Variants in DTL observed in about 807,000 individuals in gnomAD.
The protein encoded by DTL is denticleless protein homolog.
Under a neutral mutation model 87.0 loss-of-function variants are expected in DTL, and 46 were observed. That is an observed-to-expected ratio of 0.53 (90% CI 0.42 to 0.68). The LOEUF is 0.68. Ranked by LOEUF, DTL falls within the 30% of genes least tolerant of loss-of-function variation. DTL has a pLI of 0.00. For missense variants in DTL, 737 were observed against 869.4 expected (o/e 0.85, Z 1.91); for synonymous variants, 308 against 311.2 (o/e 0.99, Z 0.11).
At chr1:212,102,592 G>C (rs1176907462) in intron 14 of DTL, among the ~76,000 whole-genome samples, 1 of 151,920 alleles carries the variant, frequency 6.6e-6, no homozygotes, top group East Asian at 1.9e-4. Flanking sequence ...CTTATTAGGA[G>C]ACTTAGCTAG....
intron 5 of DTL, among the ~76,000 whole-genome samples, chr1:212,053,851 T>C (rs1668074968): frequency 6.6e-6 from 1 of 152,224 alleles, no homozygotes; most frequent in Non-Finnish European, 1.5e-5. Context: ...CTTTACAACC[T>C]TATCTGATAA....
intron 2 of DTL, 77 bp downstream of exon 2, chr1:212,043,195 A>T (rs1331956311): frequency 1.7e-5 from 23 of 1,388,184 alleles, no homozygotes; most frequent in Middle Eastern, 1.9e-4. Context: ...ATACTAGAGT[A>T]TTTCCCTTTC....
At chr1:212,084,021 G>A (rs1249546852) in intron 13 of DTL, among the ~76,000 whole-genome samples, 2 of 152,184 alleles carry the variant, frequency 1.3e-5, no homozygotes, top group Middle Eastern at 3.4e-3. Context: ...AAGGTTAATG[G>A]GGAATTGAAG....
At chr1:212,087,344 C>T (rs147314689) in intron 13 of DTL, among the ~76,000 whole-genome samples, 4,168 of 152,066 alleles carry the variant, frequency 0.027, 81 homozygotes, top group Non-Finnish European at 0.04. Flanking sequence ...GTCAGGAGAT[C>T]GAGACCATCC....
At chr1:212,095,587 C>T (rs763081538) in intron 13 of DTL, among the ~76,000 whole-genome samples, 9 of 152,154 alleles carry the variant, frequency 5.9e-5, no homozygotes, top group Non-Finnish European at 1.3e-4. Context: ...CTGCCCTCCT[C>T]GGCCTCCCAA....
At chr1:212,073,136 C>T (rs893617943) in intron 11 of DTL, among the ~76,000 whole-genome samples, 75 of 152,118 alleles carry the variant, frequency 4.9e-4, no homozygotes, top group African/African-American at 1.8e-3. Context: ...AAATTTAAAG[C>T]TGTCCATTTG....
At position 212,102,977 on chromosome 1, in the gene DTL, T is replaced by A; in HGVS notation, c.*37T>A. 3 of 1,254,696 alleles carry A rather than the reference T, an allele frequency of 2.4e-6. No individual in the cohort carries two copies. Among genetic ancestry groups the A allele is most frequent in the Non-Finnish European group, 3.4e-6 (3 of 872,306 alleles). The allele number at this position is 1,254,696 out of a possible 1,614,324, so 77.7% of individuals were successfully genotyped here. On this transcript the variant is annotated 3_prime_UTR_variant, in exon 15 of 15. Transcript: ENST00000366991. ...AGTGAGTTACTGAGCTTTGGTCCAC[T>A]AAAACAAGCTGAGCTTTGGTCCACT... is the stretch of plus-strand genomic sequence containing the variant.
At chr1:212,049,692 A>G (rs1028115280) in intron 5 of DTL, among the ~76,000 whole-genome samples, 2 of 152,212 alleles carry the variant, frequency 1.3e-5, no homozygotes, top group Admixed American at 6.5e-5. Context: ...TCACTCCATC[A>G]GCCATAAGCC....
rs532095254 is a variant in DTL, at chr1:212,044,598, G to A, written c.179-62G>A. 359 of 998,244 alleles carry A rather than the reference G, an allele frequency of 3.6e-4. 1 individual carries two copies. The highest frequency in any genetic ancestry group is 7.6e-4 in the South Asian group (50 of 65,872). The allele number at this position is 998,244 out of a possible 1,614,324, so 61.8% of individuals were successfully genotyped here. A position where few individuals can be genotyped will look rare whatever the true frequency, so the allele number is the denominator to read the frequency against. On this transcript the variant is annotated intron_variant, in intron 2 of 14. Coordinates refer to ENST00000366991, the MANE Select transcript of DTL (RefSeq NM_016448.4). The stretch of plus-strand genomic sequence containing the variant: ...AGTCTGGGTGACAGAGCAAGACTCC[G>A]TCTGAAAAAAAAAAAAAAAATTGTG...
At chr1:212,054,211 C>T (rs1006072496) in intron 5 of DTL, among the ~76,000 whole-genome samples, 2 of 152,110 alleles carry the variant, frequency 1.3e-5, no homozygotes, top group African/African-American at 4.8e-5. Context: ...TGAGTTTAAA[C>T]ACGGAATCAT....
intron 1 of DTL, among the ~76,000 whole-genome samples, chr1:212,038,606 T>A (rs1193718461): frequency 1.3e-5 from 2 of 152,244 alleles, no homozygotes; most frequent in Non-Finnish European, 2.9e-5. Flanking sequence ...GGATGTGTTC[T>A]ATTTTTACTA....
At chr1:212,049,127 C>A (rs1020449708) in intron 5 of DTL, among the ~76,000 whole-genome samples, 6 of 152,042 alleles carry the variant, frequency 3.9e-5, no homozygotes, top group Non-Finnish European at 7.4e-5. Context: ...TTCGCCATGT[C>A]GGCCAGGTTG....
intron 3 of DTL, among the ~76,000 whole-genome samples, chr1:212,045,981 A>G (rs1667798855): frequency 1.3e-5 from 2 of 152,076 alleles, no homozygotes; most frequent in Admixed American, 6.5e-5. Flanking sequence ...GTTTCACCAC[A>G]TTAGCCAGGC....
At chr1:212,083,521 A>G (rs1655043857) in intron 13 of DTL, among the ~76,000 whole-genome samples, 1 of 152,186 alleles carries the variant, frequency 6.6e-6, no homozygotes, top group Admixed American at 6.5e-5. Context: ...ATAAGTGGTG[A>G]TGAGTGGGAT....
At chr1:212,057,134 A>T (rs1558075972) in intron 5 of DTL, among the ~76,000 whole-genome samples, 1 of 152,148 alleles carries the variant, frequency 6.6e-6, no homozygotes. Flanking sequence ...ATATATCCAC[A>T]TACAGGAGGC....
chr1:212,042,997 G>A lies in DTL; in HGVS notation c.57G>A (p.Trp19Ter), dbSNP rs375119195. The A allele has an allele frequency of 1.2e-6, 2 of 1,601,756 alleles. No homozygotes were observed. Among genetic ancestry groups the A allele is most frequent in the East Asian group, 2.3e-5 (1 of 44,182 alleles). ...QPQLGVLRNG[W>*]SSQYPLQSLL... ...TAAGGAATTATCTTGTTTTAGGATGGTCTTCACAATACCCTCTTCAATCCC... is the reference window on the plus strand; with the variant it reads ...TAAGGAATTATCTTGTTTTAGGATGATCTTCACAATACCCTCTTCAATCCC... Residue 19 changes from tryptophan (W) to a stop codon, truncating the protein, a stop_gained, in exon 2 of 15, where the codon TGG becomes TGA. Transcript: ENST00000366991. LOFTEE classifies it high-confidence loss of function.
intron 7 of DTL, among the ~76,000 whole-genome samples, chr1:212,065,571 AAC>A (rs1049627763): frequency 1.1e-4 from 17 of 151,982 alleles, no homozygotes; most frequent in Admixed American, 3.3e-4. Flanking sequence ...CACACACACA[AAC>A]ACACCCCTAT....
At chr1:212,057,192 G>T (rs1668202947) in intron 5 of DTL, among the ~76,000 whole-genome samples, 1 of 151,736 alleles carries the variant, frequency 6.6e-6, no homozygotes, top group Non-Finnish European at 1.5e-5. Flanking sequence ...TTTTTCCATG[G>T]CACATTGTAG....
At chr1:212,086,907 A>G (rs1439147137) in intron 13 of DTL, among the ~76,000 whole-genome samples, 1 of 152,220 alleles carries the variant, frequency 6.6e-6, no homozygotes, top group Non-Finnish European at 1.5e-5. Context: ...ACCATTTCTT[A>G]AAATTTGTGA....
Sources: gnomAD v4.1 joint callset for allele counts (sites outside exome capture counted in the v4.1 genomes callset) on GRCh38, gnomAD v4.1.1 for gene constraint, MANE v1.5 for transcripts, NCBI Gene and HGNC (gene_info 2026-07-23, HGNC 2026-07-21) for gene names.